BPIFA2: variants seen among roughly 807,000 people sequenced by gnomAD.
BPIFA2 encodes BPI fold containing family A member 2, also known as BPI fold-containing family A member 2.
Under a neutral mutation model 25.7 loss-of-function variants are expected in BPIFA2, and 20 were observed. That is an observed-to-expected ratio of 0.78 (90% CI 0.55 to 1.13). BPIFA2 has a LOEUF of 1.13. BPIFA2 is among the 50% of genes most tolerant of loss of function. The pLI is 0.00. For synonymous variants in BPIFA2, 126 were observed against 124.3 expected (o/e 1.01, Z -0.09); for missense variants, 300 against 298.1 (o/e 1.01, Z -0.05).
Position 33,178,241 on chromosome 20 carries a change from C to T in BPIFA2, c.645+13C>T. 6.4e-7 allele frequency: 1 copy of T among 1,562,084 alleles called. No homozygotes were observed. The highest frequency in any genetic ancestry group is 8.8e-7 in the Non-Finnish European group (1 of 1,135,788). Reference sequence around the variant, plus strand: ...GCTGCAGAAGGAGGTGAGTCTCCCACTCCTTGGAGCCCAGATCCAGGCCTG... The same window carrying T: ...GCTGCAGAAGGAGGTGAGTCTCCCATTCCTTGGAGCCCAGATCCAGGCCTG... On this transcript the variant is annotated intron_variant, in intron 6 of 8. Coordinates refer to ENST00000354932, the MANE Select transcript of BPIFA2 (RefSeq NM_080574.4).
At chr20:33,178,860 A>C in intron 6 of BPIFA2, among the ~76,000 whole-genome samples, 1 of 152,172 alleles carries the variant, frequency 6.6e-6, no homozygotes, top group East Asian at 1.9e-4. Flanking sequence ...AGGAATGCGG[A>C]ATCTCAGGCC....
chr20:33,179,561 C>T (rs1347461059), intron 6 of BPIFA2, 43 bp from the exon 7 acceptor site: 1 of 1,518,094 alleles, frequency 6.6e-7, no homozygotes, highest in Non-Finnish European at 9.1e-7. Flanking sequence ...TCTGTTCTTC[C>T]TCCTACTCCT....
chr20:33,174,259 C>A, intron 4 of BPIFA2, 73 bp downstream of exon 4: 1 of 1,329,718 alleles, frequency 7.5e-7, no homozygotes, highest in South Asian at 1.2e-5. Flanking sequence ...ACCTGGGAAT[C>A]GGGCACCTCC....
chr20:33,163,550 C>T (rs1286397021), upstream of BPIFA2, among the ~76,000 whole-genome samples: 1 of 152,130 alleles, frequency 6.6e-6, no homozygotes, highest in African/African-American at 2.4e-5. Context: ...CTGCCGGGCA[C>T]GGTGGCTCAT....
intron 2 of BPIFA2, among the ~76,000 whole-genome samples, chr20:33,170,820 G>A (rs376745566): frequency 1.1e-4 from 16 of 152,238 alleles, no homozygotes; most frequent in South Asian, 6.2e-4. Flanking sequence ...GTCTTTGCCC[G>A]TGCCTATGTC....
At chr20:33,161,986 T>C (rs919431042) in intron 1 of BPIFA2, 1 of 152,016 alleles carries the variant, frequency 6.6e-6, no homozygotes, top group Admixed American at 6.6e-5. Context: ...GGTTTTGATT[T>C]TTTTGTTTTT....
chr20:33,179,745 G>A (rs2146458398), intron 7 of BPIFA2, 78 bp downstream of exon 7: 1 of 1,422,984 alleles, frequency 7.0e-7, no homozygotes, highest in Non-Finnish European at 9.9e-7. Flanking sequence ...TTCTGGTCAG[G>A]GGACCCTGGA....
chr20:33,175,641 A>T, intron 5 of BPIFA2, 82 bp downstream of exon 5: 1 of 1,447,336 alleles, frequency 6.9e-7, no homozygotes, highest in Non-Finnish European at 9.4e-7. Context: ...TCTACCTAAG[A>T]GGAGGCCTAG....
upstream of BPIFA2, among the ~76,000 whole-genome samples, chr20:33,165,462 G>A (rs73268243): frequency 6.6e-6 from 1 of 152,228 alleles, no homozygotes; most frequent in Non-Finnish European, 1.5e-5. Flanking sequence ...AGGTCAGTGG[G>A]CAGTCTGGTC....
intron 3 of BPIFA2, 43 bp from the exon 4 acceptor site, chr20:33,174,036 C>T (rs777000647): frequency 3.4e-5 from 52 of 1,536,718 alleles, no homozygotes; most frequent in Non-Finnish European, 4.1e-5. Flanking sequence ...TGGCAAGTGG[C>T]TGTCATGAGG....
chr20:33,169,822 T>A (rs1983841640), intron 2 of BPIFA2, among the ~76,000 whole-genome samples: 1 of 152,232 alleles, frequency 6.6e-6, no homozygotes. Context: ...TTTTGGGTTG[T>A]TTAATATTCT....
intron 1 of BPIFA2, among the ~76,000 whole-genome samples, chr20:33,168,874 GTA>G (rs1983804212): frequency 6.6e-6 from 1 of 152,190 alleles, no homozygotes; most frequent in Non-Finnish European, 1.5e-5. Flanking sequence ...AGAAGACAGC[GTA>G]TGAAAAGGAA....
In BPIFA2 at chr20:33,180,551, C is replaced by G. The variant is rs755614155; in HGVS notation, c.741C>G (p.Thr247=). The stretch of plus-strand genomic sequence containing the variant: ...CTCAGCACAAAACCCAGCTGCAAAC[C>G]CTCATCTGAAGAGGACGAATGAGGA... ...DNPQHKTQLQ[T]LI The change falls in exon 8 of 9, where the codon ACC becomes ACG. Residue 247 remains threonine (T), a synonymous_variant. Transcript: ENST00000354932. The G allele has an allele frequency of 6.2e-7, 1 of 1,613,482 alleles. No homozygotes were observed.
At chr20:33,162,769 T>C (rs1320619828) in intron 1 of BPIFA2, among the ~76,000 whole-genome samples, 11 of 152,096 alleles carry the variant, frequency 7.2e-5, no homozygotes, top group Admixed American at 7.2e-4. Flanking sequence ...GCAAGATAAA[T>C]ATACCCAGAC....
At chr20:33,174,452 T>G (rs767579342) in intron 4 of BPIFA2, among the ~76,000 whole-genome samples, 1 of 152,234 alleles carries the variant, frequency 6.6e-6, no homozygotes, top group Non-Finnish European at 1.5e-5. Flanking sequence ...TTTTAAAATT[T>G]GAAAAGTTGA....
upstream of BPIFA2, among the ~76,000 whole-genome samples, chr20:33,166,107 C>G (rs551728023): frequency 1.3e-5 from 2 of 152,124 alleles, no homozygotes; most frequent in Admixed American, 6.6e-5. Flanking sequence ...ACATCCACCC[C>G]CTGGGTTCAA....
intron 3 of BPIFA2, 93 bp downstream of exon 3, chr20:33,173,169 A>G: frequency 6.9e-7 from 1 of 1,454,040 alleles, no homozygotes; most frequent in South Asian, 1.3e-5. Context: ...ACAGATGGAC[A>G]AGCCTCATTC....
At chr20:33,172,817 A>T (rs1478090142) in intron 2 of BPIFA2, 115 bp from the exon 3 acceptor site, 2 of 1,155,514 alleles carry the variant, frequency 1.7e-6, no homozygotes, top group Non-Finnish European at 2.4e-6. Context: ...TACTTCACTG[A>T]GTTGTTATAA....
At chr20:33,175,301 A>G (rs1305923902) in intron 4 of BPIFA2, 106 bp from the exon 5 acceptor site, 1 of 1,141,030 alleles carries the variant, frequency 8.8e-7, no homozygotes, top group Non-Finnish European at 1.3e-6. Context: ...CCATGTTGAC[A>G]TTACACATAG....
Sources: allele counts gnomAD v4.1 joint callset (sites outside exome capture counted in the v4.1 genomes callset), GRCh38; gene constraint gnomAD v4.1.1; transcripts MANE v1.5; gene names NCBI Gene and HGNC (gene_info 2026-07-23, HGNC 2026-07-21).